KCTD16: variants seen among roughly 807,000 people sequenced by gnomAD.
KCTD16 encodes potassium channel tetramerization domain containing 16, also known as BTB/POZ domain-containing protein KCTD16.
Under a neutral mutation model 33.2 loss-of-function variants are expected in KCTD16, and 13 were observed. That is an observed-to-expected ratio of 0.39 (90% CI 0.25 to 0.62). The LOEUF is 0.62. Among genes scored for constraint, KCTD16 ranks in the 20% least tolerant of loss-of-function variants. KCTD16 has a pLI of 0.50. For missense variants in KCTD16, 441 were observed against 525.1 expected (o/e 0.84, Z 1.57); for synonymous variants, 197 against 195.3 (o/e 1.01, Z -0.07).
At chr5:144,250,717 T>A (rs1754674581) in intron 3 of KCTD16, among the ~76,000 whole-genome samples, 1 of 152,034 alleles carries the variant, frequency 6.6e-6, no homozygotes. Context: ...TTAGTCAGAG[T>A]TTTTTGGATA....
At chr5:144,438,626 T>A (rs529153678) in intron 3 of KCTD16, among the ~76,000 whole-genome samples, 1 of 152,290 alleles carries the variant, frequency 6.6e-6, no homozygotes, top group Non-Finnish European at 1.5e-5. Flanking sequence ...ATGCTCTGTA[T>A]CTTTTGAAAA....
chr5:144,244,081 T>C lies in KCTD16; in HGVS notation c.832+36535T>C, dbSNP rs554859884. Among the ~76,000 whole-genome samples the C allele has an allele frequency of 4.4e-4, 67 of 152,234 alleles. 2 individuals are homozygous for C. The South Asian group carries it at 0.013, about 31-fold the overall frequency. ...TTTCTATTTATGGCATGTAACTCTT[T>C]GGGAGTATTCTAACCAAAGCATGGA... On this transcript the variant is annotated intron_variant, in intron 3 of 3. Coordinates refer to ENST00000512467, the MANE Select transcript of KCTD16 (RefSeq NM_020768.4).
chr5:144,254,772 C>T (rs1454055883), intron 3 of KCTD16, among the ~76,000 whole-genome samples: 1 of 151,344 alleles, frequency 6.6e-6, no homozygotes, highest in Admixed American at 6.6e-5. Context: ...CAGTATTTGT[C>T]TTTCTTTTTT....
rs142795911 is a variant in KCTD16, at chr5:144,221,729, G to A, written c.832+14183G>A. Among the ~76,000 whole-genome samples, 299 of 152,246 alleles carry A rather than the reference G, an allele frequency of 2.0e-3. 6 individuals are homozygous for A. The highest frequency in any genetic ancestry group is 6.9e-3 in the East Asian group (36 of 5,186). ...GTGAACGGTACTGTAATAAACATAC[G>A]TGTGCATGTGTCTTTAGAGTAGGAT... On this transcript the variant is annotated intron_variant, in intron 3 of 3. Coordinates refer to ENST00000512467, the MANE Select transcript of KCTD16 (RefSeq NM_020768.4).
At chr5:144,424,199 A>C (rs1394209017) in intron 3 of KCTD16, among the ~76,000 whole-genome samples, 1 of 152,202 alleles carries the variant, frequency 6.6e-6, no homozygotes, top group Non-Finnish European at 1.5e-5. Context: ...TTAAATATTT[A>C]ATGCCCTAAA....
chr5:144,302,566 A>G (rs565911120), intron 3 of KCTD16, among the ~76,000 whole-genome samples: 1 of 152,294 alleles, frequency 6.6e-6, no homozygotes, highest in South Asian at 2.1e-4. Context: ...TAACAAATTT[A>G]TAAATCTTCA....
In KCTD16 at chr5:144,485,213, C is replaced by T. The variant is rs1406052175; in HGVS notation, c.*11099C>T. 5.9e-5 allele frequency: 9 copies of T among 151,722 alleles called. No individual in the cohort carries two copies. 9.4% of individuals were successfully genotyped at this position (151,722 alleles called of 1,614,324 possible). On this transcript the variant is annotated 3_prime_UTR_variant, in exon 4 of 4. Transcript: ENST00000512467. ...ATAGAAAATGCTACTACTAATTGTC[C>T]CAATGGAATTGCACATCATTTTGGC...
chr5:144,463,004 G>A (rs537465195), intron 3 of KCTD16, among the ~76,000 whole-genome samples: 21 of 152,326 alleles, frequency 1.4e-4, no homozygotes, highest in African/African-American at 4.1e-4. Context: ...AGGAATAGCA[G>A]TCAACTGTTA....
At chr5:144,327,836 T>G (rs1486313968) in intron 3 of KCTD16, among the ~76,000 whole-genome samples, 1 of 152,162 alleles carries the variant, frequency 6.6e-6, no homozygotes, top group Non-Finnish European at 1.5e-5. Flanking sequence ...ATTATTTGGG[T>G]TCCTAATTAC....
chr5:144,458,885 G>T (rs1275849780), intron 3 of KCTD16, among the ~76,000 whole-genome samples: 1 of 152,190 alleles, frequency 6.6e-6, no homozygotes, highest in Admixed American at 6.5e-5. Flanking sequence ...TGATGGAAAT[G>T]AGAAAGTGAA....
At chr5:144,305,783 C>T (rs1269804861) in intron 3 of KCTD16, among the ~76,000 whole-genome samples, 1 of 151,960 alleles carries the variant, frequency 6.6e-6, no homozygotes, top group Non-Finnish European at 1.5e-5. Flanking sequence ...CACTGCACCC[C>T]AGCCTGGAGA....
intron 3 of KCTD16, among the ~76,000 whole-genome samples, chr5:144,337,439 G>A (rs530526732): frequency 1.6e-3 from 240 of 152,166 alleles, no homozygotes; most frequent in African/African-American, 5.5e-3. Context: ...TCTGTTGGGC[G>A]TAAAGTATTA....
chr5:144,250,076 G>A (rs1754656572), intron 3 of KCTD16, among the ~76,000 whole-genome samples: 1 of 151,960 alleles, frequency 6.6e-6, no homozygotes, highest in Admixed American at 6.6e-5. Context: ...CTCAGACTCC[G>A]GCTGCTGGCA....
intron 3 of KCTD16, among the ~76,000 whole-genome samples, chr5:144,437,411 C>G (rs534723761): frequency 2.6e-5 from 4 of 152,180 alleles, no homozygotes; most frequent in Admixed American, 2.6e-4. Context: ...GTTTCAAATC[C>G]CAGTCCCATG....
intron 3 of KCTD16, among the ~76,000 whole-genome samples, chr5:144,262,149 G>A (rs1755031292): frequency 6.6e-6 from 1 of 152,128 alleles, no homozygotes. Context: ...TAATGGATCG[G>A]GGAAGGCCTC....
intron 3 of KCTD16, among the ~76,000 whole-genome samples, chr5:144,380,518 A>C (rs1378035100): frequency 2.0e-5 from 3 of 152,222 alleles, no homozygotes; most frequent in Non-Finnish European, 4.4e-5. Flanking sequence ...ACTGAAAAGG[A>C]GCCTAACTAG....
intron 3 of KCTD16, among the ~76,000 whole-genome samples, chr5:144,216,595 G>A (rs573972251): frequency 2.8e-4 from 43 of 152,236 alleles, no homozygotes; most frequent in African/African-American, 1.2e-4. Context: ...TGTAATCCCA[G>A]CACTTTGGGG....
At chr5:144,441,492 TTTTG>T in intron 3 of KCTD16, among the ~76,000 whole-genome samples, 1 of 152,286 alleles carries the variant, frequency 6.6e-6, no homozygotes, top group South Asian at 2.1e-4. Flanking sequence ...TTAAGTTACT[TTTTG>T]TTTATGATAT....
chr5:144,280,591 A>G (rs1403453471), intron 3 of KCTD16, among the ~76,000 whole-genome samples: 1 of 151,982 alleles, frequency 6.6e-6, no homozygotes, highest in African/African-American at 2.4e-5. Context: ...AATTTTGTTG[A>G]TCTTTTCAAA....
Sources: gnomAD v4.1 joint callset for allele counts (sites outside exome capture counted in the v4.1 genomes callset) on GRCh38, gnomAD v4.1.1 for gene constraint, MANE v1.5 for transcripts, NCBI Gene and HGNC (gene_info 2026-07-23, HGNC 2026-07-21) for gene names.